EPHB1: variants seen among roughly 807,000 people sequenced by gnomAD.
EPHB1 encodes the protein EPH receptor B1, also known as ephrin type-B receptor 1.
In EPHB1, 30 loss-of-function variants were observed where a neutral mutation model predicts 94.4. That is an observed-to-expected ratio of 0.32 (90% CI 0.24 to 0.43). The LOEUF (loss-of-function observed/expected upper bound fraction) is 0.43. Ranked by LOEUF, EPHB1 falls within the 20% of genes least tolerant of loss-of-function variation. EPHB1 has a pLI of 1.00. For synonymous variants in EPHB1, 522 were observed against 489.1 expected (o/e 1.07, Z -0.89); for missense variants, 1,055 against 1,308.3 (o/e 0.81, Z 2.99).
chr3:134,874,574 A>G (rs527755639), intron 1 of EPHB1, among the ~76,000 whole-genome samples: 56 of 152,202 alleles, frequency 3.7e-4, no homozygotes, highest in Non-Finnish European at 6.8e-4. Flanking sequence ...TACCCACTGC[A>G]CTGCCATCCC....
At chr3:134,871,078 C>T (rs1448577792) in intron 1 of EPHB1, among the ~76,000 whole-genome samples, 1 of 152,148 alleles carries the variant, frequency 6.6e-6, no homozygotes, top group Non-Finnish European at 1.5e-5. Context: ...GTCTCTGCTT[C>T]ATAGTGTAGT....
At chr3:135,039,085 T>C (rs568645666) in intron 3 of EPHB1, among the ~76,000 whole-genome samples, 1 of 152,268 alleles carries the variant, frequency 6.6e-6, no homozygotes, top group Non-Finnish European at 1.5e-5. Context: ...AGAGTGTCGA[T>C]TGGTGCATTC....
At chr3:135,096,881 A>G (rs1938793825) in intron 3 of EPHB1, among the ~76,000 whole-genome samples, 1 of 152,102 alleles carries the variant, frequency 6.6e-6, no homozygotes, top group South Asian at 2.1e-4. Context: ...GCGGATCACG[A>G]GGTCGGGAGA....
rs116670137 is a variant in EPHB1, at chr3:135,019,073, G to A, written c.805+67021G>A. 4.0e-3 allele frequency among the ~76,000 whole-genome samples: 613 copies of A among 152,258 alleles called. 1 individual carries two copies. The highest frequency in any genetic ancestry group is 0.014 in the African/African-American group (590 of 41,542). ...TCCTACCAGGGCCTCAGCCATCACA[G>A]CCACCAAAGGGAGCTCTGCGTGCCC... On this transcript the variant is annotated intron_variant, in intron 3 of 15. Coordinates refer to ENST00000398015, the MANE Select transcript of EPHB1 (RefSeq NM_004441.5).
intron 8 of EPHB1, among the ~76,000 whole-genome samples, chr3:135,166,702 A>T (rs774448485): frequency 7.9e-5 from 12 of 152,218 alleles, no homozygotes; most frequent in Non-Finnish European, 1.6e-4. Context: ...GGGGTCCCAC[A>T]GTCCCGCCAG....
chr3:135,020,803 A>G (rs1289060361), intron 3 of EPHB1, among the ~76,000 whole-genome samples: 1 of 152,204 alleles, frequency 6.6e-6, no homozygotes, highest in African/African-American at 2.4e-5. Flanking sequence ...TCAAGGTAAT[A>G]TATGGATATA....
At chr3:135,177,012 T>G (rs965227251) in intron 9 of EPHB1, among the ~76,000 whole-genome samples, 1 of 152,160 alleles carries the variant, frequency 6.6e-6, no homozygotes, top group African/African-American at 2.4e-5. Context: ...AAACACTTCC[T>G]AGAACAATTT....
chr3:135,206,806 G>A (rs112927006), intron 12 of EPHB1, among the ~76,000 whole-genome samples: 7,729 of 152,018 alleles, frequency 0.051, 259 homozygotes, highest in Middle Eastern at 0.13. Flanking sequence ...CCAAGATTGC[G>A]CCATTGCACT....
At position 134,951,763 on chromosome 3, in the gene EPHB1, T is replaced by G. The variant is rs1336649546; in HGVS notation, c.516T>G (p.Gly172=). 1 of 1,613,914 alleles carries G rather than the reference T, an allele frequency of 6.2e-7. No individual in the cohort carries two copies. Among genetic ancestry groups the G allele is most frequent in the Non-Finnish European group, 8.5e-7 (1 of 1,179,868 alleles). The change falls in exon 3 of 16, where the codon GGT becomes GGG. Residue 172 remains glycine (G), a synonymous_variant. Coordinates refer to ENST00000398015, the MANE Select transcript of EPHB1 (RefSeq NM_004441.5). This position sits in a 1 kb window ranked among gnomAD's most constrained non-coding sequence, Gnocchi z 4.5. ...GCTTTGGGCCTCTTACTCGGAATGGTTTTTACCTCGCTTTTCAGGATTATG... is the reference window on the plus strand; with the variant it reads ...GCTTTGGGCCTCTTACTCGGAATGGGTTTTACCTCGCTTTTCAGGATTATG... ...VRSFGPLTRN[G]FYLAFQDYGA... is the part of the protein sequence containing the mutation.
At chr3:135,030,320 T>G (rs1250485973) in intron 3 of EPHB1, among the ~76,000 whole-genome samples, 1 of 152,182 alleles carries the variant, frequency 6.6e-6, no homozygotes, top group Non-Finnish European at 1.5e-5. Context: ...GAGTTTCCAT[T>G]TTTTCTGTTC....
At chr3:135,249,275 C>G in intron 14 of EPHB1, 61 bp from the exon 15 acceptor site, 1 of 1,542,588 alleles carries the variant, frequency 6.5e-7, no homozygotes, top group Middle Eastern at 2.0e-4. Flanking sequence ...TCAGGCCAGA[C>G]TGGGGCACTG....
At chr3:135,010,620 A>G (rs2107748553) in intron 3 of EPHB1, among the ~76,000 whole-genome samples, 2 of 143,990 alleles carry the variant, frequency 1.4e-5, no homozygotes, top group East Asian at 2.0e-4. Context: ...CTGCAGTGCA[A>G]TGGCACGATC....
chr3:135,179,790 G>GA, intron 9 of EPHB1, 70 bp from the exon 10 acceptor site: 1 of 1,584,534 alleles, frequency 6.3e-7, no homozygotes, highest in Non-Finnish European at 8.6e-7. Flanking sequence ...TAGTGCTGGG[G>GA]ACATCAGCAG....
intron 12 of EPHB1, among the ~76,000 whole-genome samples, chr3:135,210,449 C>T (rs1559876172): frequency 6.6e-6 from 1 of 152,086 alleles, no homozygotes; most frequent in Non-Finnish European, 1.5e-5. Context: ...CAAAACAGTG[C>T]GTGCAAATGT....
rs549321773 is a variant in EPHB1, at chr3:135,048,352, C to T, written c.806-58096C>T. On this transcript the variant is annotated intron_variant, in intron 3 of 15. Transcript: ENST00000398015. The stretch of plus-strand genomic sequence containing the variant: ...CACCAACATCATGGCTTACTGCAGC[C>T]TCGACCTCCTGGGCTTGGGTGATTC... Among the ~76,000 whole-genome samples, 12 of 147,968 alleles carry T rather than the reference C, an allele frequency of 8.1e-5. No individual in the cohort carries two copies. In the East Asian group the frequency reaches 2.0e-3, roughly 25 times the overall value.
In EPHB1 at chr3:135,195,135, C is replaced by T. The variant is rs186723691; in HGVS notation, c.2130+2312C>T. 4.3e-3 allele frequency among the ~76,000 whole-genome samples: 658 copies of T among 152,210 alleles called. 6 individuals carry two copies. The highest frequency in any genetic ancestry group is 0.024 in the South Asian group (115 of 4,800). On this transcript the variant is annotated intron_variant, in intron 11 of 15. Transcript: ENST00000398015. ...GAAGGAAAAGCATTTTCTGGAACCA[C>T]TGTCAAGACCCTTTTGGGAGTCATT...
chr3:134,959,750 C>G (rs183037691), intron 3 of EPHB1, among the ~76,000 whole-genome samples: 1 of 152,048 alleles, frequency 6.6e-6, no homozygotes, highest in Non-Finnish European at 1.5e-5. Context: ...GGCTCTGAGG[C>G]TTTGTGCTTA....
intron 1 of EPHB1, among the ~76,000 whole-genome samples, chr3:134,840,983 G>C (rs2036765514): frequency 6.6e-6 from 1 of 152,224 alleles, no homozygotes; most frequent in South Asian, 2.1e-4. Flanking sequence ...ATTAAGAAGG[G>C]TGGGTTTTGC....
chr3:134,993,355 T>C (rs1372187485), intron 3 of EPHB1, among the ~76,000 whole-genome samples: 4 of 152,192 alleles, frequency 2.6e-5, no homozygotes, highest in Admixed American at 6.5e-5. Context: ...ACTGCACAGG[T>C]ATCTCTGGGT....
Sources: gnomAD v4.1 joint callset for allele counts (sites outside exome capture counted in the v4.1 genomes callset) on GRCh38, gnomAD v4.1.1 for gene constraint, Gnocchi (gnomAD v3.1) non-coding constraint, MANE v1.5 for transcripts, NCBI Gene and HGNC (gene_info 2026-07-23, HGNC 2026-07-21) for gene names.